The following CES2 variants were observed in gnomAD, a reference collection of about 807,000 sequenced individuals.
The protein encoded by CES2 is carboxylesterase 2, also known as cocaine esterase.
In CES2, 42 loss-of-function variants were observed where a neutral mutation model predicts 52.1. That is an observed-to-expected ratio of 0.81 (90% CI 0.63 to 1.04). CES2 has a LOEUF of 1.04. CES2 is among the 50% of genes least tolerant of loss of function. The pLI is 0.00. For synonymous variants in CES2, 277 were observed against 289.6 expected (o/e 0.96, Z 0.44); for missense variants, 656 against 724.3 (o/e 0.91, Z 1.08).
chr16:66,941,506 C>A lies in CES2; in HGVS notation c.916C>A (p.Pro306Thr), dbSNP rs1286209979. The change falls in exon 7 of 12, where the codon CCT (proline) becomes ACT (threonine). Residue 306 changes from proline to threonine, a missense_variant and splice_region_variant. Transcript: ENST00000317091. ...SKEEILAINK[P>T]FKMIPGVVDG... ...TCCCTGACCTTACATTTCCCCTCAG[C>A]CTTTCAAGATGATCCCCGGAGTGGT... 1 of 1,613,960 alleles carries A rather than the reference C, an allele frequency of 6.2e-7. No homozygotes were observed. The highest frequency in any genetic ancestry group is 8.5e-7 in the Non-Finnish European group (1 of 1,179,932).
chr16:66,935,769 A>C, intron 1 of CES2, 58 bp downstream of exon 1: 1 of 1,598,012 alleles, frequency 6.3e-7, no homozygotes, highest in Non-Finnish European at 8.5e-7. Context: ...AATGCTGCGG[A>C]GGCAGAACCT....
rs1567547973 is a variant in CES2, at chr16:66,940,208, C to T, written c.424-14C>T. 1 of 1,613,148 alleles carries T rather than the reference C, an allele frequency of 6.2e-7. No individual in the cohort carries two copies. The highest frequency in any genetic ancestry group is 8.5e-7 in the Non-Finnish European group (1 of 1,179,574). On this transcript the variant is annotated splice_polypyrimidine_tract_variant and intron_variant, in intron 3 of 11. Transcript: ENST00000317091. ...TGGGTGGGAGCATCATGGTAGCTGC[C>T]TTGATTTCCCCAGGTGATGGTGTGG...
rs769728989 is a variant in CES2 at position 66,941,239 on chromosome 16, G to A, written c.915+17G>A. On this transcript the variant is annotated intron_variant, in intron 6 of 11. Transcript: ENST00000317091. ...ATTAACAAGGTTGGTCTAAATGGAT[G>A]TGGGTGTAGAGGAAGGGGTGCAATA... is the stretch of plus-strand genomic sequence containing the variant. 9 of 1,613,518 alleles carry A rather than the reference G, an allele frequency of 5.6e-6. No homozygotes were observed. Among genetic ancestry groups the A allele is most frequent in the Non-Finnish European group, 2.5e-6 (3 of 1,179,810 alleles).
Position 66,939,295 on chromosome 16 carries a change from T to G in CES2, c.360T>G (p.Ser120=). Residue 120 remains serine, a synonymous_variant, in exon 3 of 12, where the codon TCT becomes TCG. Transcript: ENST00000317091. Reference sequence around the variant, plus strand: ...TGACCTTCCCTTCCGACTCCATGTCTGAGGACTGCCTGTACCTCAGCATCT... The same window carrying G: ...TGACCTTCCCTTCCGACTCCATGTCGGAGGACTGCCTGTACCTCAGCATCT... ...FNMTFPSDSM[S]EDCLYLSIYT... is the part of the protein sequence containing the mutation. 1 of 1,614,130 alleles carries G rather than the reference T, an allele frequency of 6.2e-7. No homozygotes were observed. Among genetic ancestry groups the G allele is most frequent in the South Asian group, 1.1e-5 (1 of 91,086 alleles).
At position 66,936,775 on chromosome 16, in the gene CES2, G is replaced by A. The variant is rs539857127; in HGVS notation, c.76+1064G>A. On this transcript the variant is annotated intron_variant, in intron 1 of 11. Coordinates refer to ENST00000317091, the MANE Select transcript of CES2 (RefSeq NM_001365405.1). ...CGCAGGTGGAGTCCATACTCCCCCCGCCCCATGGTGCACTGCTGCAGGGCT... is the reference window on the plus strand; with the variant it reads ...CGCAGGTGGAGTCCATACTCCCCCCACCCCATGGTGCACTGCTGCAGGGCT... Among the ~76,000 whole-genome samples the A allele has an allele frequency of 9.2e-5, 14 of 152,126 alleles. No homozygotes were observed. The South Asian group carries it at 2.1e-3, about 23-fold the overall frequency.
chr16:66,938,253 A>G lies in CES2; in HGVS notation c.281+12A>G. On this transcript the variant is annotated intron_variant, in intron 2 of 11. Coordinates refer to ENST00000317091, the MANE Select transcript of CES2 (RefSeq NM_001365405.1). Reference sequence around the variant, plus strand: ...ACCCATCCGGCCATGTAAGCTCTCCAAGGGGTCCAGGGAACTCCAGGCCCT... The same window carrying G: ...ACCCATCCGGCCATGTAAGCTCTCCGAGGGGTCCAGGGAACTCCAGGCCCT... The G allele has an allele frequency of 6.2e-7, 1 of 1,604,436 alleles. No individual in the cohort carries two copies. Among genetic ancestry groups the G allele is most frequent in the South Asian group, 1.1e-5 (1 of 90,880 alleles).
At chr16:66,942,372 C>A in intron 9 of CES2, 123 bp downstream of exon 9, 1 of 1,047,882 alleles carries the variant, frequency 9.5e-7, no homozygotes, top group Non-Finnish European at 1.4e-6. Flanking sequence ...CACTTGACAT[C>A]CATCATTGCA....
chr16:66,939,220 T>C lies in CES2; in HGVS notation c.285T>C (p.Cys95=), dbSNP rs374508679. The C allele has an allele frequency of 3.1e-6, 5 of 1,613,194 alleles. No homozygotes were observed. The highest frequency in any genetic ancestry group is 4.2e-6 in the Non-Finnish European group (5 of 1,179,594). Residue 95 remains cysteine (C), a synonymous_variant, in exon 3 of 12, where the codon TGT becomes TGC. Transcript: ENST00000317091. ...VRDGTTHPAM[C]LQDLTAVESE... ...GATTATTTGCCCTGGTTACCAGGTG[T>C]CTACAGGACCTCACCGCAGTGGAGT...
intron 1 of CES2, among the ~76,000 whole-genome samples, chr16:66,936,193 A>G (rs1306830595): frequency 6.6e-6 from 1 of 152,216 alleles, no homozygotes; most frequent in Non-Finnish European, 1.5e-5. Context: ...CTTGGGGAAC[A>G]GAAGCCCCCA....
Position 66,942,248 on chromosome 16 carries a change from G to A in CES2, c.1281G>A (p.Gln427=), listed in dbSNP as rs141632965. ...VIPALQVAHF[Q]CSRAPVYFYE... ...CTGCACTCCAAGTAGCACATTTTCAGTGTGAGTATATTTGGACCAAAGCCT... is the reference window on the plus strand; with the variant it reads ...CTGCACTCCAAGTAGCACATTTTCAATGTGAGTATATTTGGACCAAAGCCT... Residue 427 remains glutamine, a splice_region_variant and synonymous_variant, in exon 9 of 12, where the codon CAG becomes CAA. Transcript: ENST00000317091. 8 of 1,609,586 alleles carry A rather than the reference G, an allele frequency of 5.0e-6. No individual in the cohort carries two copies. The highest frequency in any genetic ancestry group is 1.3e-5 in the African/African-American group (1 of 74,892).
chr16:66,940,981 A>G, intron 5 of CES2, 143 bp from the exon 6 acceptor site: 1 of 1,233,038 alleles, frequency 8.1e-7, no homozygotes. Context: ...GGGACTTCTG[A>G]GTTGGAACAG....
Position 66,938,183 on chromosome 16 carries a change from C to T in CES2, c.223C>T (p.Pro75Ser), listed in dbSNP as rs746444635. The change falls in exon 2 of 12, where the codon CCC becomes TCC. Residue 75 changes from proline (P) to serine (S), a missense_variant. Transcript: ENST00000317091. ...ACCTCTAGGTCCGCTGCGATTTGCA[C>T]CCCCTGAGCCCCCTGAATCTTGGAG... The part of the protein sequence containing the change: ...KPPLGPLRFA[P>S]PEPPESWSGV... The T allele has an allele frequency of 1.2e-6, 2 of 1,614,116 alleles. No homozygotes were observed. The highest frequency in any genetic ancestry group is 2.2e-5 in the East Asian group (1 of 44,874).
upstream of CES2, chr16:66,934,599 G>A: frequency 1.6e-6 from 1 of 618,762 alleles, no homozygotes; most frequent in Non-Finnish European, 2.7e-6. The surrounding 1 kb of genome is among the most constrained non-coding windows in gnomAD (Gnocchi z 4.1). Flanking sequence ...CGGCGGCGCT[G>A]GGTCGTGCGA....
chr16:66,942,842 G>A (rs1039181843), intron 10 of CES2, 57 bp downstream of exon 10: 60 of 1,611,150 alleles, frequency 3.7e-5, no homozygotes, highest in East Asian at 2.7e-4. Context: ...GTCTCTGAGC[G>A]ATGATTGATT....
upstream of CES2, chr16:66,935,351 A>T: frequency 1.5e-6 from 2 of 1,345,884 alleles, no homozygotes; most frequent in Non-Finnish European, 2.0e-6. Context: ...GGGCTGCAGG[A>T]ATGGCACAGC....
intron 1 of CES2, chr16:66,936,013 G>C (rs1963203125): frequency 1.5e-6 from 2 of 1,343,788 alleles, no homozygotes; most frequent in Non-Finnish European, 1.9e-6. Context: ...GAGGGATTGG[G>C]GTGTGGGGAT....
At position 66,945,020 on chromosome 16, in the gene CES2, C is replaced by G. The variant is rs1963460593; in HGVS notation, c.*995C>G. The G allele has an allele frequency of 6.6e-6, 1 of 152,200 alleles. No individual in the cohort carries two copies. Among genetic ancestry groups the G allele is most frequent in the Admixed American group, 6.5e-5 (1 of 15,268 alleles). 9.4% of individuals were successfully genotyped at this position (152,200 alleles called of 1,614,324 possible). A position where few individuals can be genotyped will look rare whatever the true frequency, so the allele number is the denominator to read the frequency against. ...GAGGGAGGTGCTTCGAAGAATGTTG[C>G]CCACACCTAAGTGTTAGAAGCCTAT... On this transcript the variant is annotated 3_prime_UTR_variant, in exon 12 of 12. Coordinates refer to ENST00000317091, the MANE Select transcript of CES2 (RefSeq NM_001365405.1).
At chr16:66,942,387 A>C in intron 9 of CES2, 138 bp downstream of exon 9, 1 of 975,450 alleles carries the variant, frequency 1.0e-6, no homozygotes, top group Non-Finnish European at 1.5e-6. Flanking sequence ...ATTGCAGTAA[A>C]TCCTCATGGC....
intron 5 of CES2, 111 bp downstream of exon 5, chr16:66,940,806 G>A (rs2145505927): frequency 1.5e-6 from 2 of 1,359,498 alleles, no homozygotes; most frequent in Non-Finnish European, 2.0e-6. Context: ...TGCTCCAGGA[G>A]CTGCTGCCTA....
Sources: allele counts gnomAD v4.1 joint callset (sites outside exome capture counted in the v4.1 genomes callset), GRCh38; gene constraint gnomAD v4.1.1; non-coding constraint Gnocchi (gnomAD v3.1); transcripts MANE v1.5; gene names NCBI Gene and HGNC (gene_info 2026-07-23, HGNC 2026-07-21).